The following ZNF423 variants were observed in gnomAD, a reference collection of about 807,000 sequenced individuals.
ZNF423 encodes the protein Ebf-associated zinc finger protein.
A neutral mutation model predicts 95.8 loss-of-function variants in ZNF423; 12 were observed. The ratio of observed to expected loss-of-function variants is 0.13; its 90% CI spans 0.08 to 0.20. The LOEUF (loss-of-function observed/expected upper bound fraction) is 0.20. Among genes scored for constraint, ZNF423 ranks in the 10% least tolerant of loss-of-function variants. ZNF423 has a pLI of 1.00. For synonymous variants in ZNF423, 749 were observed against 711.9 expected, an observed-to-expected ratio of 1.05 and a Z score of -0.83; for missense variants, 1,316 against 1,737.1, an observed-to-expected ratio of 0.76 and a Z score of 4.31.
chr16:49,682,774 T>A (rs2031415653), intron 3 of ZNF423, among the ~76,000 whole-genome samples: 1 of 152,234 alleles, frequency 6.6e-6, no homozygotes, highest in Non-Finnish European at 1.5e-5. Context: ...AGTTTCCTCA[T>A]CTGTAAAATG....
At chr16:49,743,276 C>G (rs1171223612) in intron 2 of ZNF423, among the ~76,000 whole-genome samples, 1 of 152,172 alleles carries the variant, frequency 6.6e-6, no homozygotes, top group African/African-American at 2.4e-5. Context: ...AATCTGCACC[C>G]CCACAGGGTC....
intron 2 of ZNF423, among the ~76,000 whole-genome samples, chr16:49,731,968 A>C (rs2033180230): frequency 6.6e-6 from 1 of 152,202 alleles, no homozygotes; most frequent in Non-Finnish European, 1.5e-5. Context: ...TGAATTCGTA[A>C]TCATAATGAT....
chr16:49,576,966 G>A (rs2081974928), intron 5 of ZNF423, among the ~76,000 whole-genome samples: 1 of 152,228 alleles, frequency 6.6e-6, no homozygotes, highest in African/African-American at 2.4e-5. Context: ...CAGAAACAGA[G>A]GGCACAGATG....
chr16:49,498,454 G>A (rs892067696), intron 7 of ZNF423, among the ~76,000 whole-genome samples: 1 of 152,226 alleles, frequency 6.6e-6, no homozygotes, highest in South Asian at 2.1e-4. Context: ...CCAGCCTGGA[G>A]AGGAAGGCGG....
chr16:49,591,063 C>T (rs1363364171), intron 5 of ZNF423, among the ~76,000 whole-genome samples: 2 of 152,202 alleles, frequency 1.3e-5, no homozygotes, highest in Non-Finnish European at 2.9e-5. Context: ...ACTGTCACTG[C>T]CTACTGTTGG....
intron 7 of ZNF423, among the ~76,000 whole-genome samples, chr16:49,508,056 G>C (rs1477198852): frequency 1.3e-5 from 2 of 152,202 alleles, no homozygotes; most frequent in African/African-American, 4.8e-5. Context: ...AACCAGCTCT[G>C]AGGCCTTGGG....
chr16:49,736,984 C>T (rs2033301285), intron 2 of ZNF423, among the ~76,000 whole-genome samples: 1 of 152,078 alleles, frequency 6.6e-6, no homozygotes, highest in Admixed American at 6.5e-5. Flanking sequence ...AGGGCCTTGC[C>T]AGGGACAGAG....
At chr16:49,546,541 G>A (rs1039621309) in intron 5 of ZNF423, among the ~76,000 whole-genome samples, 3 of 152,082 alleles carry the variant, frequency 2.0e-5, no homozygotes, top group Admixed American at 6.6e-5. Context: ...GATAGTTGGC[G>A]GCTATAAAGG....
At chr16:49,796,584 C>G (rs2034502735) in intron 1 of ZNF423, among the ~76,000 whole-genome samples, 1 of 152,160 alleles carries the variant, frequency 6.6e-6, no homozygotes, top group Admixed American at 6.5e-5. Flanking sequence ...AGAGAAGGTT[C>G]AGGTCAAAGG....
chr16:49,674,540 A>T (rs574720677), intron 3 of ZNF423, among the ~76,000 whole-genome samples: 1 of 152,348 alleles, frequency 6.6e-6, no homozygotes, highest in South Asian at 2.1e-4. Context: ...GACCCCAGGC[A>T]GTGTGGCCCA....
chr16:49,594,735 G>A (rs1280482408), intron 5 of ZNF423, among the ~76,000 whole-genome samples: 2 of 152,076 alleles, frequency 1.3e-5, no homozygotes, highest in Admixed American at 6.5e-5. Flanking sequence ...ACAAACTCAC[G>A]GGGATGCAGA....
chr16:49,830,601 C>T (rs746125110), intron 1 of ZNF423, among the ~76,000 whole-genome samples: 35 of 152,144 alleles, frequency 2.3e-4, no homozygotes, highest in Non-Finnish European at 4.6e-4. Context: ...AGGTATCTTT[C>T]CCCTAAAGAC....
At chr16:49,586,043 G>T (rs1265610768) in intron 5 of ZNF423, among the ~76,000 whole-genome samples, 1 of 152,088 alleles carries the variant, frequency 6.6e-6, no homozygotes, top group Admixed American at 6.5e-5. Flanking sequence ...GGGAACAATA[G>T]CATCTGCCTC....
intron 2 of ZNF423, among the ~76,000 whole-genome samples, chr16:49,741,017 A>G (rs1181352432): frequency 6.6e-6 from 1 of 152,166 alleles, no homozygotes; most frequent in Non-Finnish European, 1.5e-5. Flanking sequence ...TGGCTGAGAC[A>G]GCCCCCTCAG....
At chr16:49,581,086 C>T (rs1488226256) in intron 5 of ZNF423, among the ~76,000 whole-genome samples, 5 of 152,156 alleles carry the variant, frequency 3.3e-5, no homozygotes, top group African/African-American at 9.7e-5. Context: ...CAAAAACAAA[C>T]ACATACTCAC....
intron 7 of ZNF423, among the ~76,000 whole-genome samples, chr16:49,502,834 G>A (rs1457778279): frequency 4.3e-5 from 4 of 93,424 alleles, no homozygotes; most frequent in Non-Finnish European, 6.1e-5. Context: ...CCCGTCATGT[G>A]CCCACCCTCC....
At chr16:49,713,382 G>A (rs1053009967) in intron 3 of ZNF423, among the ~76,000 whole-genome samples, 2 of 152,144 alleles carry the variant, frequency 1.3e-5, no homozygotes, top group Non-Finnish European at 2.9e-5. Context: ...CTCTAGATCC[G>A]CCCCCACCTT....
At chr16:49,703,855 A>G (rs1026461011) in intron 3 of ZNF423, among the ~76,000 whole-genome samples, 15 of 152,220 alleles carry the variant, frequency 9.9e-5, no homozygotes, top group Non-Finnish European at 2.1e-4. Context: ...CCTGGGTTCA[A>G]TGCATCACCA....
chr16:49,507,303 AT>A (rs10709812), intron 7 of ZNF423, among the ~76,000 whole-genome samples: 63,496 of 150,432 alleles, frequency 0.42, 13,802 homozygotes, highest in African/African-American at 0.55. Context: ...ATGATCCCAC[AT>A]TTTTTTTTTG....
Sources: allele counts gnomAD v4.1 joint callset (sites outside exome capture counted in the v4.1 genomes callset), GRCh38; gene constraint gnomAD v4.1.1; transcripts MANE v1.5; gene names NCBI Gene and HGNC (gene_info 2026-07-23, HGNC 2026-07-21).